RALGDS: variants seen among roughly 807,000 people sequenced by gnomAD.
RALGDS encodes the protein ral guanine nucleotide exchange factor.
RALGDS carries 44 observed loss-of-function variants against 99.8 expected under a neutral mutation model. The observed-to-expected ratio is 0.44, with a 90% CI of 0.35 to 0.57. The LOEUF (loss-of-function observed/expected upper bound fraction) is 0.57. Ranked by LOEUF, RALGDS falls within the 20% of genes least tolerant of loss-of-function variation. The pLI is 0.01. For missense variants in RALGDS, 1,022 were observed against 1,203.1 expected (o/e 0.85, Z 2.23); for synonymous variants, 529 against 505.0 (o/e 1.05, Z -0.64).
chr9:133,130,643 A>G (rs921135539), intron 1 of RALGDS, among the ~76,000 whole-genome samples: 2 of 152,152 alleles, frequency 1.3e-5, no homozygotes, highest in Non-Finnish European at 2.9e-5. Context: ...GTAAACAACC[A>G]CCACCACCAC....
exon 1 of RALGDS, chr9:133,149,106 C>A (rs1832672770): frequency 4.1e-6 from 2 of 485,462 alleles, no homozygotes; most frequent in Non-Finnish European, 5.6e-6. Flanking sequence ...GGCCTCCGGT[C>A]CCCGCCGGGC....
At chr9:133,103,926 G>A in intron 10 of RALGDS, 93 bp from the exon 11 acceptor site, 1 of 1,240,962 alleles carries the variant, frequency 8.1e-7, no homozygotes, top group South Asian at 1.2e-5. Flanking sequence ...AACAGCTGGG[G>A]GACCTCTGGG....
At chr9:133,130,444 TG>T (rs1414477143) in intron 1 of RALGDS, among the ~76,000 whole-genome samples, 7 of 152,006 alleles carry the variant, frequency 4.6e-5, no homozygotes, top group Admixed American at 1.3e-4. Flanking sequence ...GGCGCAGGGG[TG>T]GGGGATGCCA....
chr9:133,130,409 C>G (rs771774647), intron 1 of RALGDS, among the ~76,000 whole-genome samples: 5 of 152,160 alleles, frequency 3.3e-5, no homozygotes, highest in Non-Finnish European at 7.3e-5. Flanking sequence ...CCACCGCACC[C>G]GGCCACAAGA....
intron 1 of RALGDS, chr9:133,129,550 C>T: frequency 3.1e-6 from 3 of 954,930 alleles, no homozygotes; most frequent in Non-Finnish European, 4.2e-6. Flanking sequence ...CTAGCTTTCT[C>T]CCTTAATTCT....
chr9:133,121,091 C>G lies in RALGDS; in HGVS notation c.64G>C (p.Gly22Arg). The G allele has an allele frequency of 1.4e-6, 2 of 1,478,144 alleles. No individual in the cohort carries two copies. Among genetic ancestry groups the G allele is most frequent in the South Asian group, 1.3e-5 (1 of 78,708 alleles). 91.6% of individuals were successfully genotyped at this position (1,478,144 alleles called of 1,614,324 possible). ...PAGGAEPLFPGSRRSRSVWDA... is the reference protein window; with the variant it reads ...PAGGAEPLFPRSRRSRSVWDA... ...CACACGCTGCGGCTCCGCCGGGAGC[C>G]CGGAAACAGCGGCTCGGCGCCGCCA... The change falls in exon 1 of 18, where the codon GGC becomes CGC. Residue 22 changes from glycine (G) to arginine (R), a missense_variant. Gly to Arg is a moderately radical substitution (Grantham distance 125, BLOSUM62 -2). Transcript: ENST00000372050.
At chr9:133,145,779 G>C (rs558415433) in intron 1 of RALGDS, among the ~76,000 whole-genome samples, 44 of 152,276 alleles carry the variant, frequency 2.9e-4, no homozygotes, top group African/African-American at 1.0e-3. Context: ...TGCACAATGG[G>C]GATGGTTCTA....
rs965235682 is a variant in RALGDS at position 133,101,142 on chromosome 9, C to T, written c.2454+378G>A. 143 of 1,167,004 alleles carry T rather than the reference C, an allele frequency of 1.2e-4. 1 individual carries two copies. Among genetic ancestry groups the T allele is most frequent in the Middle Eastern group, 3.9e-4 (1 of 2,578 alleles). 72.3% of individuals were successfully genotyped at this position (1,167,004 alleles called of 1,614,324 possible). Reference sequence around the variant, plus strand: ...CACAGCGGCCTCCTAACCAACACCCCTGCGGCTCTGGTACCAGCCCACACC... The same window carrying T: ...CACAGCGGCCTCCTAACCAACACCCTTGCGGCTCTGGTACCAGCCCACACC... On this transcript the variant is annotated intron_variant, in intron 16 of 17. Coordinates refer to ENST00000372050, the MANE Select transcript of RALGDS (RefSeq NM_006266.4).
upstream of RALGDS, among the ~76,000 whole-genome samples, chr9:133,133,686 C>T (rs1832380920): frequency 6.6e-6 from 1 of 152,230 alleles, no homozygotes; most frequent in Admixed American, 6.5e-5. Context: ...ATGAAGCTTA[C>T]GACGACCCTG....
Position 133,098,244 on chromosome 9 carries a change from G to C in RALGDS, c.*343C>G. 2.3e-6 allele frequency: 1 copy of C among 430,884 alleles called. No individual in the cohort carries two copies. Among genetic ancestry groups the C allele is most frequent in the South Asian group, 2.3e-5 (1 of 43,370 alleles). 26.7% of individuals were successfully genotyped at this position (430,884 alleles called of 1,614,324 possible). ...TCTGGGGTGCCCATGGGCACAGGTGGCAGTGACCCACACCTGGGAAGGTGT... is the reference window on the plus strand; with the variant it reads ...TCTGGGGTGCCCATGGGCACAGGTGCCAGTGACCCACACCTGGGAAGGTGT... On this transcript the variant is annotated 3_prime_UTR_variant, in exon 18 of 18. Coordinates refer to ENST00000372050, the MANE Select transcript of RALGDS (RefSeq NM_006266.4).
At position 133,108,345 on chromosome 9, in the gene RALGDS, A is replaced by T; in HGVS notation, c.840T>A (p.Ala280=). 1.9e-6 allele frequency: 3 copies of T among 1,540,956 alleles called. No homozygotes were observed. The highest frequency in any genetic ancestry group is 2.6e-6 in the Non-Finnish European group (3 of 1,147,034). Residue 280 remains alanine (A), a synonymous_variant, in exon 6 of 18, where the codon GCT becomes GCA. Transcript: ENST00000372050. ...TPELELALTP[A]RAPSPVPAPA... Reference sequence around the variant, plus strand: ...GAGCCGGCACTGGGCTGGGTGCTCGAGCTGGTGTTAGAGCTAGCTCGAGCT... The same window carrying T: ...GAGCCGGCACTGGGCTGGGTGCTCGTGCTGGTGTTAGAGCTAGCTCGAGCT...
At chr9:133,142,991 T>A (rs1225103200) in intron 1 of RALGDS, among the ~76,000 whole-genome samples, 1 of 152,256 alleles carries the variant, frequency 6.6e-6, no homozygotes, top group Non-Finnish European at 1.5e-5. Flanking sequence ...GTGCCTCAGT[T>A]TCCCCACCTG....
Position 133,101,562 on chromosome 9 carries a change from G to A in RALGDS, c.2412C>T (p.Val804=). The change falls in exon 16 of 18, where the codon GTC becomes GTT. Residue 804 remains valine, a synonymous_variant. Transcript: ENST00000372050. ...TGTTGCCATTGTCCACGTCCAGGCTGACGCGGATGATACAGCAGTCGCCCA... is the reference window on the plus strand; with the variant it reads ...TGTTGCCATTGTCCACGTCCAGGCTAACGCGGATGATACAGCAGTCGCCCA... The part of the protein sequence containing the change: ...QQVGDCCIIR[V]SLDVDNGNMY... The A allele has an allele frequency of 1.9e-6, 3 of 1,612,438 alleles. No homozygotes were observed. Among genetic ancestry groups the A allele is most frequent in the Non-Finnish European group, 8.5e-7 (1 of 1,180,034 alleles).
intron 1 of RALGDS, among the ~76,000 whole-genome samples, chr9:133,137,746 A>C (rs909703869): frequency 2.6e-5 from 4 of 152,192 alleles, no homozygotes; most frequent in Non-Finnish European, 4.4e-5. Context: ...GTAGGTGGTC[A>C]GGTTGGCCCT....
chr9:133,100,751 T>G, intron 16 of RALGDS: 5 of 1,161,302 alleles, frequency 4.3e-6, no homozygotes, highest in Non-Finnish European at 5.4e-6. Flanking sequence ...GCCCTGGAGG[T>G]AAGAAAGGAG....
upstream of RALGDS, among the ~76,000 whole-genome samples, chr9:133,122,451 G>A (rs561218825): frequency 4.6e-5 from 7 of 152,206 alleles, no homozygotes; most frequent in Non-Finnish European, 1.0e-4. Context: ...GGCGGGACCA[G>A]ACAGCACATT....
intron 7 of RALGDS, 111 bp from the exon 8 acceptor site, chr9:133,106,859 T>C: frequency 1.0e-6 from 1 of 967,296 alleles, no homozygotes; most frequent in Non-Finnish European, 1.6e-6. Context: ...ACCCAGGGAG[T>C]CCCCAGAGGG....
chr9:133,139,025 T>C lies in RALGDS; in HGVS notation c.18+9938A>G, dbSNP rs542259335. ...GCTGTCCCTCCCCAGGCACCAGCCA[T>C]GTGTCCCCACACGCAGCCACACATA... On this transcript the variant is annotated intron_variant, in intron 1 of 17. Transcript: ENST00000393160. Among the ~76,000 whole-genome samples, 4 of 152,198 alleles carry C rather than the reference T, an allele frequency of 2.6e-5. No individual in the cohort carries two copies. The East Asian group carries it at 7.8e-4, about 30-fold the overall frequency.
At chr9:133,123,766 ACAC>A (rs1832032727), upstream of RALGDS, among the ~76,000 whole-genome samples, 2 of 137,260 alleles carry the variant, frequency 1.5e-5, 1 homozygote. Flanking sequence ...ACACACACAC[ACAC>A]AGAGACACAA....
Sources: gnomAD v4.1 joint callset for allele counts (sites outside exome capture counted in the v4.1 genomes callset) on GRCh38, gnomAD v4.1.1 for gene constraint, MANE v1.5 for transcripts, NCBI Gene and HGNC (gene_info 2026-07-23, HGNC 2026-07-21) for gene names.